The following CAMK2D variants were observed in gnomAD, a reference collection of about 807,000 sequenced individuals.
The protein encoded by CAMK2D is calcium/calmodulin dependent protein kinase II delta.
CAMK2D carries 37 observed loss-of-function variants against 84.0 expected under a neutral mutation model. The ratio of observed to expected loss-of-function variants is 0.44; its 90% CI spans 0.34 to 0.58. CAMK2D has a LOEUF of 0.58. CAMK2D is among the 20% of genes least tolerant of loss of function. CAMK2D has a pLI of 0.02. For missense variants in CAMK2D, 448 were observed against 652.5 expected (o/e 0.69, Z 3.41); for synonymous variants, 202 against 212.5 (o/e 0.95, Z 0.43).
At chr4:113,760,202 C>A (rs1017834469) in intron 1 of CAMK2D, among the ~76,000 whole-genome samples, 1 of 152,088 alleles carries the variant, frequency 6.6e-6, no homozygotes, top group African/African-American at 2.4e-5. Flanking sequence ...CAGTAGGTCT[C>A]CTGCCTCCTT....
At position 113,515,081 on chromosome 4, in the gene CAMK2D, G is replaced by A. The variant is rs762294579; in HGVS notation, c.807C>T (p.His269=). The stretch of plus-strand genomic sequence containing the variant: ...AAGTTTTACTTACACAGATCCATGG[G>A]TGCTTCAGTGCCTCTGAGGCTGTGA... ...KRITASEALK[H]PWICQRSTVA... Residue 269 remains histidine (H), a synonymous_variant, in exon 10 of 21, where the codon CAC becomes CAT. Transcript: ENST00000511664. 5 of 1,613,514 alleles carry A rather than the reference G, an allele frequency of 3.1e-6. No individual in the cohort carries two copies. In the East Asian group the frequency reaches 1.1e-4, roughly 36 times the overall value.
At chr4:113,591,853 T>G (rs76630343) in intron 4 of CAMK2D, among the ~76,000 whole-genome samples, 1 of 152,120 alleles carries the variant, frequency 6.6e-6, no homozygotes, top group Non-Finnish European at 1.5e-5. Flanking sequence ...TAGAGTCTTC[T>G]GTGTCTTCCC....
At chr4:113,674,196 T>C (rs926208087) in intron 2 of CAMK2D, among the ~76,000 whole-genome samples, 2 of 152,082 alleles carry the variant, frequency 1.3e-5, no homozygotes, top group East Asian at 1.9e-4. Context: ...TCACCTAAAA[T>C]TTTTCTAGAT....
At chr4:113,473,623 C>G (rs1459832354) in intron 16 of CAMK2D, among the ~76,000 whole-genome samples, 1 of 152,054 alleles carries the variant, frequency 6.6e-6, no homozygotes, top group African/African-American at 2.4e-5. Context: ...TTACTAGAGG[C>G]TTTCAGGATT....
intron 4 of CAMK2D, among the ~76,000 whole-genome samples, chr4:113,606,896 A>T (rs1357733907): frequency 6.6e-6 from 1 of 152,162 alleles, no homozygotes; most frequent in Non-Finnish European, 1.5e-5. Flanking sequence ...ATTTTAAAGC[A>T]GCCAGAGAGA....
At chr4:113,726,340 C>T (rs2099545682) in intron 2 of CAMK2D, among the ~76,000 whole-genome samples, 1 of 148,830 alleles carries the variant, frequency 6.7e-6, no homozygotes, top group African/African-American at 2.5e-5. Context: ...CACTTTCTGA[C>T]TGCCTCCACA....
chr4:113,741,208 T>C (rs1157996545), intron 2 of CAMK2D, among the ~76,000 whole-genome samples: 1 of 152,126 alleles, frequency 6.6e-6, no homozygotes, highest in African/African-American at 2.4e-5. Flanking sequence ...CAAAGGAAAC[T>C]GTGCTTCCTT....
chr4:113,661,053 C>G (rs1268165443), intron 3 of CAMK2D, among the ~76,000 whole-genome samples: 1 of 152,108 alleles, frequency 6.6e-6, no homozygotes, highest in Non-Finnish European at 1.5e-5. Flanking sequence ...CCTCGGCCTC[C>G]CAAAGTGCTG....
intron 13 of CAMK2D, chr4:113,508,332 T>C (rs780806266): frequency 1.7e-6 from 2 of 1,153,600 alleles, no homozygotes; most frequent in Admixed American, 2.0e-5. Context: ...ATTTAGAGTA[T>C]CAAAGCATGG....
chr4:113,506,337 T>C (rs1320145020), intron 13 of CAMK2D, among the ~76,000 whole-genome samples: 1 of 152,196 alleles, frequency 6.6e-6, no homozygotes, highest in African/African-American at 2.4e-5. Context: ...TTACAATAAG[T>C]TGTGACACTG....
intron 4 of CAMK2D, among the ~76,000 whole-genome samples, chr4:113,571,947 T>G (rs765671897): frequency 2.4e-4 from 36 of 152,146 alleles, no homozygotes; most frequent in Non-Finnish European, 1.8e-4. Flanking sequence ...TCAAACAACA[T>G]ACTCTCGAAA....
chr4:113,646,270 A>C (rs1029471263), intron 3 of CAMK2D, among the ~76,000 whole-genome samples: 6 of 152,098 alleles, frequency 3.9e-5, no homozygotes, highest in Non-Finnish European at 7.4e-5. Context: ...ACGTTGTTTA[A>C]CTCCTATAGC....
At chr4:113,672,990 G>A (rs1385986844) in intron 2 of CAMK2D, among the ~76,000 whole-genome samples, 2 of 152,160 alleles carry the variant, frequency 1.3e-5, no homozygotes, top group African/African-American at 2.4e-5. Context: ...AGATACAGGT[G>A]CCAAACCAGA....
At chr4:113,469,373 C>T (rs2097519646) in intron 16 of CAMK2D, among the ~76,000 whole-genome samples, 1 of 152,176 alleles carries the variant, frequency 6.6e-6, no homozygotes, top group Non-Finnish European at 1.5e-5. Context: ...TTGGAACACT[C>T]TCCTTTTACT....
intron 16 of CAMK2D, among the ~76,000 whole-genome samples, chr4:113,470,297 C>G (rs552064932): frequency 3.1e-4 from 47 of 152,262 alleles, no homozygotes; most frequent in Admixed American, 7.2e-4. Context: ...GCACCCCCCC[C>G]ATTTTGCTCC....
chr4:113,690,024 C>T (rs557921835), intron 2 of CAMK2D, among the ~76,000 whole-genome samples: 245 of 152,182 alleles, frequency 1.6e-3, no homozygotes, highest in Admixed American at 3.7e-3. Flanking sequence ...ACCACCAATA[C>T]CATGGTGGGC....
chr4:113,517,181 A>T (rs1257566521), intron 9 of CAMK2D, among the ~76,000 whole-genome samples: 1 of 152,108 alleles, frequency 6.6e-6, no homozygotes, highest in Non-Finnish European at 1.5e-5. Flanking sequence ...TGATCACAGC[A>T]AAATATTGTT....
intron 4 of CAMK2D, among the ~76,000 whole-genome samples, chr4:113,576,690 A>G (rs1299033084): frequency 6.6e-6 from 1 of 152,156 alleles, no homozygotes. Context: ...TTAACTGCAG[A>G]TGTATTTCTC....
chr4:113,546,913 C>T (rs2098580486), intron 6 of CAMK2D, among the ~76,000 whole-genome samples: 1 of 152,120 alleles, frequency 6.6e-6, no homozygotes, highest in African/African-American at 2.4e-5. Context: ...AATTCTCTGT[C>T]CTCAAGGGTA....
Sources: gnomAD v4.1 joint callset for allele counts (sites outside exome capture counted in the v4.1 genomes callset) on GRCh38, gnomAD v4.1.1 for gene constraint, MANE v1.5 for transcripts, NCBI Gene and HGNC (gene_info 2026-07-23, HGNC 2026-07-21) for gene names.